Variants in ANKRD36 observed in about 807,000 individuals in gnomAD.
ANKRD36 encodes the protein ankyrin repeat domain-containing protein 36A.
ANKRD36 carries 179 observed loss-of-function variants against 278.1 expected under a neutral mutation model. The observed-to-expected ratio is 0.64, with a 90% confidence interval of 0.57 to 0.73. ANKRD36 has a LOEUF of 0.73. Among genes scored for constraint, ANKRD36 ranks in the 30% least tolerant of loss-of-function variants. The pLI is 0.00. For synonymous variants in ANKRD36, 320 were observed against 641.1 expected (o/e 0.50, Z 7.57); for missense variants, 1,159 against 1,956.7 (o/e 0.59, Z 7.69).
intron 38 of ANKRD36, 74 bp downstream of exon 38, chr2:97,193,127 C>G: frequency 7.4e-7 from 1 of 1,356,694 alleles, no homozygotes; most frequent in Non-Finnish European, 1.0e-6. Context: ...AATAAATCAG[C>G]GGGGGGCTCG....
chr2:97,190,551 G>C (rs180896861), intron 34 of ANKRD36, among the ~76,000 whole-genome samples: 1 of 131,636 alleles, frequency 7.6e-6, no homozygotes, highest in Admixed American at 7.8e-5. Context: ...AAGTTAAAGA[G>C]CATGATGAAT....
At position 97,133,623 on chromosome 2, in the gene ANKRD36, G is replaced by A. The variant is rs533211616; in HGVS notation, c.799+6489G>A. ...AATACAGTTAAGTTATTTGCTTTAT[G>A]TACTTTTATATACTATAATTCTGGA... On this transcript the variant is annotated intron_variant, in intron 6 of 75. Transcript: ENST00000420699. Among the ~76,000 whole-genome samples the A allele has an allele frequency of 5.1e-3, 780 of 151,558 alleles. 9 individuals carry two copies. The highest frequency in any genetic ancestry group is 0.018 in the African/African-American group (748 of 41,360).
chr2:97,191,183 T>G lies in ANKRD36; in HGVS notation c.2347+2T>G, dbSNP rs1188395876. 4 of 1,586,408 alleles carry G rather than the reference T, an allele frequency of 2.5e-6. No individual in the cohort carries two copies. Among genetic ancestry groups the G allele is most frequent in the Non-Finnish European group, 3.4e-6 (4 of 1,166,144 alleles). ...AGGATGGAGAAAAATCTGGGACAGG[T>G]AATTTTGCAAAAGACATTTAATGTC... On this transcript the variant is annotated splice_donor_variant, in intron 36 of 75. Coordinates refer to ENST00000420699, the MANE Select transcript of ANKRD36 (RefSeq NM_001354587.1). LOFTEE classifies it high-confidence loss of function.
chr2:97,198,209 C>T (rs1193028053), intron 42 of ANKRD36, among the ~76,000 whole-genome samples: 2 of 151,898 alleles, frequency 1.3e-5, no homozygotes, highest in South Asian at 2.1e-4. Context: ...GATAGTGACA[C>T]GGTTTTATTT....
chr2:97,124,865 C>T (rs1310243414), intron 5 of ANKRD36, among the ~76,000 whole-genome samples: 2 of 151,820 alleles, frequency 1.3e-5, no homozygotes, highest in Non-Finnish European at 2.9e-5. Flanking sequence ...TTAGGGATTC[C>T]AATGTTGTCC....
intron 22 of ANKRD36, among the ~76,000 whole-genome samples, chr2:97,174,552 A>G (rs1379999745): frequency 1.3e-5 from 2 of 151,890 alleles, no homozygotes; most frequent in Non-Finnish European, 2.9e-5. Flanking sequence ...ACTTAGATAT[A>G]TAATCATGTC....
chr2:97,231,503 G>A (rs1193438075), intron 67 of ANKRD36, among the ~76,000 whole-genome samples: 17 of 152,258 alleles, frequency 1.1e-4, no homozygotes, highest in African/African-American at 4.1e-4. Context: ...CAGTAGTAGG[G>A]TGGGAGTAAC....
intron 36 of ANKRD36, among the ~76,000 whole-genome samples, chr2:97,192,282 G>A (rs2058690998): frequency 6.6e-6 from 1 of 151,710 alleles, no homozygotes; most frequent in South Asian, 2.1e-4. Flanking sequence ...ATGGGTGTGA[G>A]AGATAATGAA....
intron 75 of ANKRD36, among the ~76,000 whole-genome samples, chr2:97,260,360 A>ATT (rs2076579751): frequency 8.0e-6 from 1 of 125,522 alleles, no homozygotes; most frequent in Non-Finnish European, 1.6e-5. Flanking sequence ...ATATATATAT[A>ATT]TATATATATA....
chr2:97,152,545 A>C lies in ANKRD36; in HGVS notation c.1193+11A>C, dbSNP rs1225865750. 2.7e-6 allele frequency: 4 copies of C among 1,474,360 alleles called. No homozygotes were observed. In the Admixed American group the frequency reaches 6.2e-5, roughly 23 times the overall value. The allele number at this position is 1,474,360 out of a possible 1,614,324, so 91.3% of individuals were successfully genotyped here. On this transcript the variant is annotated intron_variant, in intron 14 of 75. Transcript: ENST00000420699. ...AGAGGCTGTTGACAGGTATGATTTCAGAGATTTTTTAAAGTGATATGTTAA... is the reference window on the plus strand; with the variant it reads ...AGAGGCTGTTGACAGGTATGATTTCCGAGATTTTTTAAAGTGATATGTTAA...
chr2:97,260,735 A>G (rs915349582), intron 75 of ANKRD36, among the ~76,000 whole-genome samples: 1 of 111,324 alleles, frequency 9.0e-6, no homozygotes, highest in Non-Finnish European at 1.7e-5. Context: ...CTCTTCTTCC[A>G]GTATAATGCT....
At chr2:97,211,222 G>A (rs2064465395) in intron 56 of ANKRD36, among the ~76,000 whole-genome samples, 2 of 152,050 alleles carry the variant, frequency 1.3e-5, no homozygotes, top group Non-Finnish European at 2.9e-5. Flanking sequence ...ATTCTCAGGT[G>A]TATGAGTTGC....
intron 46 of ANKRD36, 95 bp downstream of exon 46, chr2:97,200,620 T>A: frequency 6.6e-7 from 1 of 1,508,634 alleles, no homozygotes; most frequent in Non-Finnish European, 8.9e-7. Flanking sequence ...AAGCTGCACG[T>A]TCTGATTCAC....
At chr2:97,182,971 A>C (rs937914088) in intron 26 of ANKRD36, among the ~76,000 whole-genome samples, 1 of 151,642 alleles carries the variant, frequency 6.6e-6, no homozygotes, top group Non-Finnish European at 1.5e-5. Context: ...TGAAGTGTAC[A>C]TTCTACTAAA....
At chr2:97,128,978 A>G (rs1325013795) in intron 6 of ANKRD36, among the ~76,000 whole-genome samples, 1 of 152,132 alleles carries the variant, frequency 6.6e-6, no homozygotes, top group Non-Finnish European at 1.5e-5. Flanking sequence ...TCCTTTGGGT[A>G]TATACCCAGT....
intron 75 of ANKRD36, among the ~76,000 whole-genome samples, chr2:97,259,074 C>G (rs1422036175): frequency 7.2e-6 from 1 of 139,370 alleles, no homozygotes; most frequent in Non-Finnish European, 1.5e-5. Flanking sequence ...TGTTTTTCCC[C>G]GATGGAATCA....
intron 66 of ANKRD36, among the ~76,000 whole-genome samples, chr2:97,220,583 A>G (rs2067140759): frequency 6.6e-6 from 1 of 151,526 alleles, no homozygotes; most frequent in African/African-American, 2.4e-5. Flanking sequence ...ATTCTTTCAC[A>G]TGGCTGAGCC....
intron 58 of ANKRD36, chr2:97,212,589 A>T (rs1475224302): frequency 6.6e-6 from 1 of 152,554 alleles, no homozygotes; most frequent in African/African-American, 2.4e-5. Flanking sequence ...GAAACAAAAA[A>T]TATGTTGAAT....
intron 22 of ANKRD36, among the ~76,000 whole-genome samples, chr2:97,170,478 G>A (rs1057477914): frequency 6.6e-6 from 1 of 151,732 alleles, no homozygotes; most frequent in Non-Finnish European, 1.5e-5. Context: ...TTAATAAATG[G>A]TGCTGGGAAA....
Sources: gnomAD v4.1 joint callset for allele counts (sites outside exome capture counted in the v4.1 genomes callset) on GRCh38, gnomAD v4.1.1 for gene constraint, MANE v1.5 for transcripts, NCBI Gene and HGNC (gene_info 2026-07-23, HGNC 2026-07-21) for gene names.